LOXL3: variants seen among roughly 807,000 people sequenced by gnomAD.
LOXL3 encodes the protein lysyl oxidase homolog 3.
In LOXL3, 60 loss-of-function variants were observed where a neutral mutation model predicts 91.8. The observed-to-expected ratio is 0.65, with a 90% CI of 0.53 to 0.81. The LOEUF (loss-of-function observed/expected upper bound fraction) is 0.81. Among genes scored for constraint, LOXL3 ranks in the 30% least tolerant of loss-of-function variants. The pLI, the probability that LOXL3 is intolerant of heterozygous loss-of-function variation, is 0.00. For synonymous variants in LOXL3, 355 were observed against 387.6 expected, an observed-to-expected ratio of 0.92 and a Z score of 0.99; for missense variants, 874 against 1,000.4, an observed-to-expected ratio of 0.87 and a Z score of 1.70.
rs1397756324 is a variant in LOXL3, at chr2:74,549,153, C to T, written c.692+216G>A. 4.5e-6 allele frequency: 2 copies of T among 444,650 alleles called. No individual in the cohort carries two copies. Among genetic ancestry groups the T allele is most frequent in the Non-Finnish European group, 7.6e-6 (2 of 262,786 alleles). 27.5% of individuals were successfully genotyped at this position (444,650 alleles called of 1,614,324 possible). ...GCGTCGGCCACGAGAGAGCGGGAGC[C>T]TCGCTGGTCCCCATTTCAGGTACTC... On this transcript the variant is annotated intron_variant, in intron 4 of 13. Coordinates refer to ENST00000264094, the MANE Select transcript of LOXL3 (RefSeq NM_032603.5). This position sits in a 1 kb window ranked among gnomAD's most constrained non-coding sequence, Gnocchi z 5.3.
chr2:74,544,448 C>T (rs1314361203), intron 4 of LOXL3, among the ~76,000 whole-genome samples: 2 of 152,156 alleles, frequency 1.3e-5, no homozygotes, highest in African/African-American at 4.8e-5. Flanking sequence ...CATTTATTCA[C>T]CTTTGTATTC....
At chr2:74,542,390 T>G (rs1308970302) in intron 4 of LOXL3, among the ~76,000 whole-genome samples, 1 of 152,176 alleles carries the variant, frequency 6.6e-6, no homozygotes, top group African/African-American at 2.4e-5. Context: ...ACCTTTCAAC[T>G]ATTTTTCTTC....
chr2:74,555,279 C>T, upstream of LOXL3: 1 of 1,614,092 alleles, frequency 6.2e-7, no homozygotes, highest in Non-Finnish European at 8.5e-7. The surrounding 1 kb of genome is among the most constrained non-coding windows in gnomAD (Gnocchi z 6.1). Context: ...GCCTGGACTG[C>T]AAAGTGATCC....
At chr2:74,550,040 G>A in intron 3 of LOXL3, 145 bp downstream of exon 3, 1 of 1,471,550 alleles carries the variant, frequency 6.8e-7, no homozygotes, top group South Asian at 1.5e-5. Flanking sequence ...CAGCATCTGG[G>A]AGCTCTATCA....
chr2:74,536,832 A>G lies in LOXL3; in HGVS notation c.789T>C (p.Tyr263=). The G allele has an allele frequency of 6.2e-7, 1 of 1,614,220 alleles. No individual in the cohort carries two copies. The highest frequency in any genetic ancestry group is 8.5e-7 in the Non-Finnish European group (1 of 1,180,030). ...GGCACCTGGCGGTGTCATTGGCACGATAGAACTCCAGGGAACAGAGGGAGA... is the reference window on the plus strand; with the variant it reads ...GGCACCTGGCGGTGTCATTGGCACGGTAGAACTCCAGGGAACAGAGGGAGA... ...AHLSLCSLEF[Y]RANDTARCPG... is the part of the protein sequence containing the mutation. The change falls in exon 5 of 14, where the codon TAT becomes TAC. Residue 263 remains tyrosine, a synonymous_variant. Coordinates refer to ENST00000264094, the MANE Select transcript of LOXL3 (RefSeq NM_032603.5). This position sits in a 1 kb window ranked among gnomAD's most constrained non-coding sequence, Gnocchi z 4.5.
chr2:74,545,977 C>G (rs546165600), intron 4 of LOXL3, among the ~76,000 whole-genome samples: 1 of 152,152 alleles, frequency 6.6e-6, no homozygotes, highest in Non-Finnish European at 1.5e-5. Context: ...CCCTCCACCC[C>G]CAAGCCCATC....
chr2:74,547,777 G>A (rs2104433550), intron 4 of LOXL3, among the ~76,000 whole-genome samples: 1 of 152,080 alleles, frequency 6.6e-6, no homozygotes, highest in East Asian at 1.9e-4. Flanking sequence ...AAGCATTTAG[G>A]AAAAAATAAG....
At chr2:74,553,019 C>T in intron 1 of LOXL3, 1 of 213,812 alleles carries the variant, frequency 4.7e-6, no homozygotes, top group Admixed American at 5.5e-5. Context: ...GAGAGAAAAC[C>T]AGAAAGACAC....
rs1235622142 is a variant in LOXL3 at position 74,533,727 on chromosome 2, GAGAT to G, written c.2189-52_2189-49del. On this transcript the variant is annotated intron_variant, in intron 13 of 13. Coordinates refer to ENST00000264094, the MANE Select transcript of LOXL3 (RefSeq NM_032603.5). ...GGGAGGCGCCCTGCACAGAGGGAGG[GAGAT>G]AGATGCACTGTGGAGAAGGGTGGGT... 3 of 1,565,570 alleles carry G rather than the reference GAGAT, an allele frequency of 1.9e-6. No homozygotes were observed. The African/African-American group carries it at 4.1e-5, about 21-fold the overall frequency.
chr2:74,553,984 C>A (rs1479086551), upstream of LOXL3: 1 of 152,552 alleles, frequency 6.6e-6, no homozygotes, highest in African/African-American at 2.4e-5. Context: ...GACTGGACCC[C>A]CCTCTCTCCC....
chr2:74,550,070 C>A, intron 3 of LOXL3, 115 bp downstream of exon 3: 2 of 1,482,800 alleles, frequency 1.3e-6, no homozygotes, highest in South Asian at 2.8e-5. Context: ...CCAAGTCTCC[C>A]ACCAATCCAA....
At chr2:74,551,413 T>C (rs1002520363) in intron 2 of LOXL3, among the ~76,000 whole-genome samples, 14 of 152,268 alleles carry the variant, frequency 9.2e-5, no homozygotes, top group African/African-American at 3.4e-4. Context: ...CTTGTGACTC[T>C]TCATGACTTT....
intron 1 of LOXL3, 121 bp from the exon 2 acceptor site, chr2:74,552,767 G>T: frequency 1.2e-6 from 1 of 859,698 alleles, no homozygotes; most frequent in Non-Finnish European, 1.7e-6. Flanking sequence ...GACAGCGAGA[G>T]ACAACAGGAG....
chr2:74,542,529 C>G (rs1676381837), intron 4 of LOXL3, among the ~76,000 whole-genome samples: 1 of 152,030 alleles, frequency 6.6e-6, no homozygotes, highest in Non-Finnish European at 1.5e-5. Flanking sequence ...TGCACACACA[C>G]ACACACACAC....
intron 4 of LOXL3, among the ~76,000 whole-genome samples, chr2:74,541,329 G>A (rs1676313376): frequency 6.6e-6 from 1 of 152,086 alleles, no homozygotes; most frequent in African/African-American, 2.4e-5. Context: ...GGTTACTGAG[G>A]GATGACTGTT....
At chr2:74,552,774 G>T in intron 1 of LOXL3, 128 bp from the exon 2 acceptor site, 3 of 815,984 alleles carry the variant, frequency 3.7e-6, no homozygotes, top group East Asian at 2.7e-5. Context: ...AGAGACAACA[G>T]GAGAGAAAGA....
At chr2:74,555,607 C>G (rs202082859), upstream of LOXL3, 213 of 1,614,098 alleles carry the variant, frequency 1.3e-4, no homozygotes, top group Non-Finnish European at 1.7e-4. The surrounding 1 kb of genome is among the most constrained non-coding windows in gnomAD (Gnocchi z 6.1). Flanking sequence ...CTACCGATAA[C>G]CCACCTAAGC....
rs570457624 is a variant in LOXL3, at chr2:74,541,435, A to T, written c.693-4507T>A. 3.9e-5 allele frequency among the ~76,000 whole-genome samples: 6 copies of T among 152,326 alleles called. No individual in the cohort carries two copies. In the East Asian group the frequency reaches 1.2e-3, roughly 29 times the overall value. On this transcript the variant is annotated intron_variant, in intron 4 of 13. Coordinates refer to ENST00000264094, the MANE Select transcript of LOXL3 (RefSeq NM_032603.5). ...TTTCTGCCTCAGCTTCTTCCTGAGG[A>T]TGTACTTAGTTGGTCTCTTTGCCAA...
At position 74,535,346 on chromosome 2, in the gene LOXL3, T is replaced by C; in HGVS notation, c.1525A>G (p.Ile509Val). 1.2e-6 allele frequency: 2 copies of C among 1,614,100 alleles called. No homozygotes were observed. Among genetic ancestry groups the C allele is most frequent in the Non-Finnish European group, 1.7e-6 (2 of 1,180,028 alleles). The change falls in exon 9 of 14, where the codon ATC (isoleucine) becomes GTC (valine). Residue 509 changes from isoleucine to valine, a missense_variant. Physicochemically the swap from Ile to Val is conservative, Grantham distance 29 (BLOSUM62 3). Transcript: ENST00000264094. The surrounding 1 kb of genome is among the most constrained non-coding windows in gnomAD (Gnocchi z 4.2). The part of the protein sequence containing the change: ...LDQCAHHGTH[I>V]TCKRTGTRFT... ...CGGGTCCCTGTCCTCTTGCAGGTGA[T>C]GTGGGTGCCATGATGGGCACACTGA...
Sources: allele counts gnomAD v4.1 joint callset (sites outside exome capture counted in the v4.1 genomes callset), GRCh38; gene constraint gnomAD v4.1.1; non-coding constraint Gnocchi (gnomAD v3.1); transcripts MANE v1.5; gene names NCBI Gene and HGNC (gene_info 2026-07-23, HGNC 2026-07-21).